Variants in GALNTL5 observed in about 807,000 individuals in gnomAD.
GALNTL5 encodes the protein inactive polypeptide N-acetylgalactosaminyltransferase-like protein 5.
GALNTL5 carries 44 observed loss-of-function variants against 51.0 expected under a neutral mutation model. The ratio of observed to expected loss-of-function variants is 0.86; its 90% CI spans 0.68 to 1.11. The LOEUF (loss-of-function observed/expected upper bound fraction) is 1.11. Among genes scored for constraint, GALNTL5 ranks in the 50% least tolerant of loss-of-function variants. GALNTL5 has a pLI of 0.00. For missense variants in GALNTL5, 528 were observed against 531.8 expected (o/e 0.99, Z 0.07); for synonymous variants, 192 against 182.8 (o/e 1.05, Z -0.41).
intron 1 of GALNTL5, chr7:151,957,962 A>C (rs1375445258): frequency 2.6e-5 from 4 of 152,216 alleles, no homozygotes; most frequent in Admixed American, 6.5e-5. Context: ...CAGAGAAAAC[A>C]TAATATAAGA....
intron 4 of GALNTL5, 40 bp downstream of exon 4, chr7:151,983,192 G>C (rs1363024831): frequency 6.4e-7 from 1 of 1,553,834 alleles, no homozygotes; most frequent in Non-Finnish European, 8.9e-7. Flanking sequence ...CTTTGTTGTT[G>C]TTGTTGTTGA....
intron 1 of GALNTL5, among the ~76,000 whole-genome samples, chr7:151,964,493 A>G (rs1266480272): frequency 6.6e-6 from 1 of 152,004 alleles, no homozygotes; most frequent in Non-Finnish European, 1.5e-5. Flanking sequence ...TGATGGTTCT[A>G]TCAGGGGGAA....
intron 3 of GALNTL5, among the ~76,000 whole-genome samples, chr7:151,975,789 T>C (rs1281495436): frequency 6.6e-6 from 1 of 152,178 alleles, no homozygotes; most frequent in African/African-American, 2.4e-5. Context: ...ATATTTTTAA[T>C]TTTCATTTTA....
At chr7:151,960,323 C>T (rs888995232) in intron 1 of GALNTL5, 4 of 152,282 alleles carry the variant, frequency 2.6e-5, no homozygotes, top group African/African-American at 7.2e-5. Context: ...TTAACAAGCA[C>T]ATATCAGCCA....
At chr7:151,982,628 T>G (rs1325373539) in intron 3 of GALNTL5, among the ~76,000 whole-genome samples, 1 of 148,018 alleles carries the variant, frequency 6.8e-6, no homozygotes, top group Non-Finnish European at 1.5e-5. Context: ...CCTGCCATGG[T>G]GACAGCAAAA....
At chr7:152,002,661 G>T in intron 5 of GALNTL5, 53 bp from the exon 6 acceptor site, 1 of 1,585,590 alleles carries the variant, frequency 6.3e-7, no homozygotes, top group Non-Finnish European at 8.6e-7. Flanking sequence ...GATTTGGATT[G>T]CCGTATTTTT....
intron 3 of GALNTL5, among the ~76,000 whole-genome samples, chr7:151,971,349 A>G (rs2081138738): frequency 1.3e-5 from 2 of 152,162 alleles, no homozygotes; most frequent in Non-Finnish European, 2.9e-5. Flanking sequence ...TAAATCACCA[A>G]TAAGGGCTTC....
chr7:151,984,381 T>C (rs1406554533), intron 4 of GALNTL5, among the ~76,000 whole-genome samples: 2 of 151,990 alleles, frequency 1.3e-5, no homozygotes, highest in Non-Finnish European at 2.9e-5. Context: ...GTCAACCCAA[T>C]CCACTCTAAA....
intron 3 of GALNTL5, among the ~76,000 whole-genome samples, chr7:151,981,046 C>G (rs1185402980): frequency 6.6e-6 from 1 of 152,114 alleles, no homozygotes; most frequent in Non-Finnish European, 1.5e-5. Flanking sequence ...CGCCCGGCCA[C>G]AATGATTTTT....
At chr7:152,018,949 G>C (rs1292829900) in intron 8 of GALNTL5, among the ~76,000 whole-genome samples, 1 of 152,176 alleles carries the variant, frequency 6.6e-6, no homozygotes, top group Non-Finnish European at 1.5e-5. Context: ...TTTGCGAAGG[G>C]CTTCAGTCTA....
At chr7:151,966,858 G>C (rs2081066746) in intron 1 of GALNTL5, among the ~76,000 whole-genome samples, 1 of 152,172 alleles carries the variant, frequency 6.6e-6, no homozygotes, top group African/African-American at 2.4e-5. Flanking sequence ...CTTGAAGTCA[G>C]ATCAGATTTT....
At chr7:151,962,004 C>CTT (rs5888458) in intron 1 of GALNTL5, among the ~76,000 whole-genome samples, 21,879 of 131,710 alleles carry the variant, frequency 0.17, 2,158 homozygotes, top group South Asian at 0.26. Flanking sequence ...TAGTTACCTT[C>CTT]TTTTTTTTTT....
chr7:151,991,674 G>A (rs1351479300), intron 5 of GALNTL5, among the ~76,000 whole-genome samples: 1 of 151,990 alleles, frequency 6.6e-6, no homozygotes, highest in Non-Finnish European at 1.5e-5. Context: ...GTATTTCTAG[G>A]CTAATCACGC....
chr7:151,958,667 C>T (rs1480048904), intron 1 of GALNTL5, among the ~76,000 whole-genome samples: 1 of 152,184 alleles, frequency 6.6e-6, no homozygotes, highest in African/African-American at 2.4e-5. Flanking sequence ...ACCACCACTT[C>T]CCATGATGTG....
intron 5 of GALNTL5, among the ~76,000 whole-genome samples, chr7:151,997,249 C>T (rs1203979509): frequency 6.6e-6 from 1 of 152,214 alleles, no homozygotes; most frequent in Non-Finnish European, 1.5e-5. Flanking sequence ...TCATCACAAG[C>T]ACTAAAGAGA....
intron 1 of GALNTL5, among the ~76,000 whole-genome samples, chr7:151,958,411 C>T (rs1453919916): frequency 6.6e-6 from 1 of 152,222 alleles, no homozygotes; most frequent in African/African-American, 2.4e-5. Flanking sequence ...CCACAGAGCC[C>T]CAAGGGGTGT....
At chr7:151,981,571 T>TTCCC (rs1563010010) in intron 3 of GALNTL5, among the ~76,000 whole-genome samples, 1 of 69,846 alleles carries the variant, frequency 1.4e-5, no homozygotes, top group African/African-American at 6.2e-5. Flanking sequence ...CCTTCCTTCC[T>TTCCC]TCCTTCCTTC....
chr7:152,007,700 G>A (rs569084699), intron 6 of GALNTL5, 127 bp from the exon 7 acceptor site: 93 of 687,768 alleles, frequency 1.4e-4, no homozygotes, highest in Non-Finnish European at 2.0e-4. Flanking sequence ...TTACAGGCAT[G>A]AGCCTCCACA....
intron 5 of GALNTL5, among the ~76,000 whole-genome samples, chr7:152,000,790 T>C (rs2081566487): frequency 2.0e-5 from 3 of 152,238 alleles, no homozygotes; most frequent in Admixed American, 1.3e-4. Context: ...CTTGTAAGAA[T>C]TATTTATATA....
Sources: gnomAD v4.1 joint callset for allele counts (sites outside exome capture counted in the v4.1 genomes callset) on GRCh38, gnomAD v4.1.1 for gene constraint, MANE v1.5 for transcripts, NCBI Gene and HGNC (gene_info 2026-07-23, HGNC 2026-07-21) for gene names.